Variants in TRMT11 observed in about 807,000 individuals in gnomAD.
TRMT11 encodes the protein tRNA methyltransferase 11, also known as tRNA (guanine(10)-N(2))-methyltransferase TRMT11.
Under a neutral mutation model 62.8 loss-of-function variants are expected in TRMT11, and 53 were observed. The ratio of observed to expected loss-of-function variants is 0.84; its 90% CI spans 0.68 to 1.06. TRMT11 has a LOEUF of 1.06. Among genes scored for constraint, TRMT11 ranks in the 50% least tolerant of loss-of-function variants. The probability of loss-of-function intolerance (pLI) is 0.00; values close to 1 mark genes in which losing one functional copy is unlikely to be tolerated. For missense variants in TRMT11, 556 were observed against 553.4 expected, an observed-to-expected ratio of 1.00 and a Z score of -0.05; for synonymous variants, 188 against 190.3, an observed-to-expected ratio of 0.99 and a Z score of 0.10.
At chr6:126,193,110 T>C (rs1183877208) in intron 1 of TRMT11, among the ~76,000 whole-genome samples, 1 of 152,180 alleles carries the variant, frequency 6.6e-6, no homozygotes, top group Non-Finnish European at 1.5e-5. Context: ...GTCTCATTAC[T>C]CAATATTGGT....
chr6:126,041,060 A>G (rs1775864323), downstream of TRMT11, among the ~76,000 whole-genome samples: 1 of 152,148 alleles, frequency 6.6e-6, no homozygotes, highest in South Asian at 2.1e-4. Context: ...AAACATTTTC[A>G]AACTGTTTAA....
intron 12 of TRMT11, among the ~76,000 whole-genome samples, chr6:126,025,536 G>T (rs1472319897): frequency 6.6e-6 from 1 of 152,116 alleles, no homozygotes; most frequent in African/African-American, 2.4e-5. Context: ...GATGTTTACT[G>T]TAACCAAAAA....
chr6:126,243,141 T>C, the TRMT11 span, among the ~76,000 whole-genome samples: 1 of 152,134 alleles, frequency 6.6e-6, no homozygotes, highest in East Asian at 1.9e-4. Flanking sequence ...AACAGACACT[T>C]CTCAAAAGAA....
chr6:126,257,796 G>C, the TRMT11 span: 1 of 653,014 alleles, frequency 1.5e-6, no homozygotes, highest in South Asian at 1.8e-5. Flanking sequence ...GAAAACGAAG[G>C]GGGCAGGGGA....
At chr6:126,210,262 C>T in the TRMT11 span, among the ~76,000 whole-genome samples, 2 of 152,130 alleles carry the variant, frequency 1.3e-5, no homozygotes, top group East Asian at 3.8e-4. Flanking sequence ...TGTTGTTGAC[C>T]TTGTAGAAGT....
At chr6:126,212,544 G>A in the TRMT11 span, among the ~76,000 whole-genome samples, 1 of 152,070 alleles carries the variant, frequency 6.6e-6, no homozygotes, top group Admixed American at 6.6e-5. Context: ...CAATGATGTT[G>A]AGCACTTTTC....
intron 17 of TRMT11, among the ~76,000 whole-genome samples, chr6:126,079,373 G>C (rs944543189): frequency 1.8e-4 from 27 of 152,142 alleles, no homozygotes; most frequent in Non-Finnish European, 7.4e-5. Context: ...ATGAGGTTGA[G>C]ATGCCACAGC....
intron 21 of TRMT11, among the ~76,000 whole-genome samples, chr6:126,145,453 G>A (rs1342086469): frequency 6.6e-6 from 1 of 152,150 alleles, no homozygotes. Flanking sequence ...AAAAGGAGAG[G>A]GGGCTATGGG....
intron 17 of TRMT11, among the ~76,000 whole-genome samples, chr6:126,055,077 G>A (rs772531806): frequency 9.2e-5 from 14 of 152,068 alleles, no homozygotes; most frequent in Admixed American, 5.9e-4. Context: ...CAATCCTCCC[G>A]CCTCAACCTC....
At chr6:126,120,134 G>C (rs193077485) in intron 21 of TRMT11, among the ~76,000 whole-genome samples, 4 of 152,056 alleles carry the variant, frequency 2.6e-5, no homozygotes, top group Non-Finnish European at 4.4e-5. Flanking sequence ...AATTAGCCAG[G>C]TGTGGTGGCG....
intron 1 of TRMT11, among the ~76,000 whole-genome samples, chr6:126,193,482 G>A (rs1047794025): frequency 7.4e-6 from 1 of 134,770 alleles, no homozygotes; most frequent in African/African-American, 3.1e-5. Flanking sequence ...TAAGAGGAGC[G>A]TTTCTGTATT....
the TRMT11 span, among the ~76,000 whole-genome samples, chr6:126,245,285 G>T: frequency 1.1e-4 from 17 of 152,308 alleles, no homozygotes; most frequent in African/African-American, 3.6e-4. Context: ...GGACAAAGAA[G>T]AGTGTTTATT....
chr6:126,070,693 C>G (rs1776826388), intron 17 of TRMT11, among the ~76,000 whole-genome samples: 1 of 152,140 alleles, frequency 6.6e-6, no homozygotes, highest in Admixed American at 6.5e-5. Flanking sequence ...CAAATGTGAG[C>G]AATAATGACA....
intron 12 of TRMT11, among the ~76,000 whole-genome samples, chr6:126,037,350 A>G (rs563143185): frequency 1.3e-5 from 2 of 152,166 alleles, no homozygotes; most frequent in South Asian, 2.1e-4. Flanking sequence ...AGCATTTAGT[A>G]TTGTTTTTGG....
chr6:126,142,347 A>G (rs2128215841), intron 21 of TRMT11, among the ~76,000 whole-genome samples: 1 of 152,224 alleles, frequency 6.6e-6, no homozygotes, highest in South Asian at 2.1e-4. Context: ...CAAATATCAG[A>G]TATATTGTGA....
chr6:126,016,890 G>A (rs1205994508), intron 11 of TRMT11, among the ~76,000 whole-genome samples: 3 of 151,956 alleles, frequency 2.0e-5, no homozygotes, highest in Non-Finnish European at 4.4e-5. Context: ...AGCCTAAAGC[G>A]ATCTTATTAA....
chr6:126,150,316 G>C (rs1485649552), intron 21 of TRMT11, among the ~76,000 whole-genome samples: 2 of 152,104 alleles, frequency 1.3e-5, no homozygotes, highest in Non-Finnish European at 2.9e-5. Flanking sequence ...ACCTTGGATG[G>C]TCCAGCCTCC....
At chr6:126,147,275 T>C (rs1459093752) in intron 21 of TRMT11, among the ~76,000 whole-genome samples, 1 of 152,172 alleles carries the variant, frequency 6.6e-6, no homozygotes, top group Non-Finnish European at 1.5e-5. Flanking sequence ...TTGGTATCCT[T>C]TTATGGAATC....
At chr6:126,156,902 A>G (rs1189743206) in intron 21 of TRMT11, among the ~76,000 whole-genome samples, 1 of 152,168 alleles carries the variant, frequency 6.6e-6, no homozygotes, top group Non-Finnish European at 1.5e-5. Flanking sequence ...GGATGGACAA[A>G]CATCCAAACT....
Sources: gnomAD v4.1 joint callset for allele counts (sites outside exome capture counted in the v4.1 genomes callset) on GRCh38, gnomAD v4.1.1 for gene constraint, MANE v1.5 for transcripts, NCBI Gene and HGNC (gene_info 2026-07-23, HGNC 2026-07-21) for gene names.